Variants in ASIP observed in about 807,000 individuals in gnomAD.
ASIP encodes agouti-signaling protein.
ASIP carries 11 observed loss-of-function variants against 10.3 expected under a neutral mutation model. That is an observed-to-expected ratio of 1.07 (90% CI 0.68 to 1.78). ASIP has a LOEUF of 1.78. Among genes scored for constraint, ASIP ranks in the 40% most tolerant of loss-of-function variants. The probability of loss-of-function intolerance (pLI) is 0.00; values close to 1 mark genes in which losing one functional copy is unlikely to be tolerated. For missense variants in ASIP, 180 were observed against 169.2 expected (o/e 1.06, Z -0.35); for synonymous variants, 70 against 70.8 (o/e 0.99, Z 0.06).
chr20:34,195,090 A>G (rs1435309223), intron 1 of ASIP, among the ~76,000 whole-genome samples: 2 of 151,628 alleles, frequency 1.3e-5, no homozygotes, highest in Non-Finnish European at 2.9e-5. Flanking sequence ...GTTGCTGGCC[A>G]CTGCCCATGC....
intron 1 of ASIP, among the ~76,000 whole-genome samples, chr20:34,218,880 GTC>G (rs2035027088): frequency 6.6e-6 from 1 of 151,976 alleles, no homozygotes. Context: ...AGCCAGGATG[GTC>G]TCGATCTCCT....
chr20:34,253,451 A>T (rs1012873268), intron 1 of ASIP, among the ~76,000 whole-genome samples: 2 of 137,710 alleles, frequency 1.5e-5, no homozygotes, highest in Non-Finnish European at 3.0e-5. Context: ...ATTTTATTTT[A>T]TTTATTTATT....
intron 1 of ASIP, among the ~76,000 whole-genome samples, chr20:34,259,026 G>A (rs2035642415): frequency 6.7e-6 from 1 of 148,636 alleles, no homozygotes; most frequent in African/African-American, 2.5e-5. Flanking sequence ...AATAGAGTGA[G>A]CCTTCATCCC....
intron 1 of ASIP, among the ~76,000 whole-genome samples, chr20:34,245,329 G>C (rs2035354078): frequency 1.5e-5 from 2 of 129,774 alleles, no homozygotes; most frequent in African/African-American, 5.9e-5. Flanking sequence ...GTGAGACTCT[G>C]TCTCAAAAAA....
At chr20:34,250,794 G>A (rs1454326231) in intron 1 of ASIP, among the ~76,000 whole-genome samples, 1 of 152,050 alleles carries the variant, frequency 6.6e-6, no homozygotes, top group Non-Finnish European at 1.5e-5. Context: ...TAGGTACTTA[G>A]CCATGCCACA....
chr20:34,240,710 T>A (rs893963635), upstream of ASIP, among the ~76,000 whole-genome samples: 2 of 152,212 alleles, frequency 1.3e-5, no homozygotes, highest in Non-Finnish European at 2.9e-5. Flanking sequence ...GACTTGTTTT[T>A]CTAGGTTAAC....
upstream of ASIP, among the ~76,000 whole-genome samples, chr20:34,239,713 A>G (rs2035259384): frequency 1.3e-5 from 2 of 152,058 alleles, no homozygotes; most frequent in Admixed American, 1.3e-4. Context: ...AGATCTCCTG[A>G]CTCCCTATTC....
At chr20:34,235,985 AAAG>A (rs1432186550) in intron 1 of ASIP, among the ~76,000 whole-genome samples, 1 of 134,776 alleles carries the variant, frequency 7.4e-6, no homozygotes, top group Non-Finnish European at 1.6e-5. Context: ...GGGAAGAAGG[AAAG>A]AAGGAAGGAA....
At chr20:34,260,281 C>G (rs544510980) in intron 1 of ASIP, 84 bp from the exon 2 acceptor site, 1 of 1,414,630 alleles carries the variant, frequency 7.1e-7, no homozygotes, top group South Asian at 1.4e-5. Context: ...ACAACACCAG[C>G]CCAAAGAAGC....
At chr20:34,243,328 A>C (rs2035312522) in intron 1 of ASIP, among the ~76,000 whole-genome samples, 1 of 152,234 alleles carries the variant, frequency 6.6e-6, no homozygotes, top group African/African-American at 2.4e-5. Context: ...ACCCATTAAA[A>C]TATTATTCAA....
chr20:34,222,758 C>A (rs1430237206), intron 1 of ASIP, among the ~76,000 whole-genome samples: 1 of 151,772 alleles, frequency 6.6e-6, no homozygotes, highest in Admixed American at 6.5e-5. Context: ...CCTGCCTCAG[C>A]CTGCCGAGTG....
chr20:34,196,905 C>T (rs1325374814), intron 1 of ASIP, among the ~76,000 whole-genome samples: 1 of 152,180 alleles, frequency 6.6e-6, no homozygotes, highest in Non-Finnish European at 1.5e-5. Context: ...CCATCTGTTC[C>T]CCAAACTTGT....
chr20:34,200,655 C>T (rs1334070657), intron 1 of ASIP, among the ~76,000 whole-genome samples: 1 of 152,182 alleles, frequency 6.6e-6, no homozygotes, highest in Non-Finnish European at 1.5e-5. Flanking sequence ...TTACTTTGTA[C>T]TGAGAGAACT....
rs1002440999 is a variant in ASIP at position 34,233,184 on chromosome 20, G to A, written c.-10-27181G>A. ...TTTTTTTGATACAGAGTCTCGCTCT[G>A]TTGCCCAGGCTGGAGTACAATGGTG... On this transcript the variant is annotated intron_variant, in intron 1 of 3. Coordinates refer to the ASIP transcript ENST00000568305. 2.5e-5 allele frequency among the ~76,000 whole-genome samples: 3 copies of A among 118,752 alleles called. No individual in the cohort carries two copies. In the South Asian group the frequency reaches 7.9e-4, roughly 31 times the overall value. The allele number at this position is 118,752 out of a possible 152,430, so 77.9% of individuals were successfully genotyped here.
intron 1 of ASIP, chr20:34,215,034 G>A: frequency 6.7e-7 from 1 of 1,487,048 alleles, no homozygotes; most frequent in Non-Finnish European, 9.4e-7. Context: ...CTGAAAAGAA[G>A]TCAACATCTT....
At chr20:34,225,309 G>T (rs1264163716) in intron 1 of ASIP, among the ~76,000 whole-genome samples, 1 of 151,694 alleles carries the variant, frequency 6.6e-6, no homozygotes, top group African/African-American at 2.4e-5. Flanking sequence ...AAAGTGCTGG[G>T]ATTATAGGTG....
chr20:34,192,028 G>C (rs2034827213), upstream of ASIP, among the ~76,000 whole-genome samples: 3 of 152,030 alleles, frequency 2.0e-5, no homozygotes, highest in Admixed American at 6.6e-5. Context: ...ACTGTGCCTG[G>C]CCTGATTTCT....
At chr20:34,252,675 C>T (rs780451808) in intron 1 of ASIP, among the ~76,000 whole-genome samples, 1 of 152,128 alleles carries the variant, frequency 6.6e-6, no homozygotes, top group Non-Finnish European at 1.5e-5. Flanking sequence ...TTCACTACTC[C>T]CCCTCAGCAC....
chr20:34,194,243 G>GA (rs953060573), upstream of ASIP, among the ~76,000 whole-genome samples: 1 of 151,978 alleles, frequency 6.6e-6, no homozygotes, highest in East Asian at 1.9e-4. Flanking sequence ...ACCCAGAGAA[G>GA]AAAAAAATCT....
Sources: allele counts gnomAD v4.1 joint callset (sites outside exome capture counted in the v4.1 genomes callset), GRCh38; gene constraint gnomAD v4.1.1; transcripts MANE v1.5; gene names NCBI Gene and HGNC (gene_info 2026-07-23, HGNC 2026-07-21).